CDKAL1: variants seen among roughly 807,000 people sequenced by gnomAD.
CDKAL1 encodes CDKAL1 threonylcarbamoyladenosine tRNA methylthiotransferase.
CDKAL1 carries 32 observed loss-of-function variants against 68.2 expected under a neutral mutation model. The ratio of observed to expected loss-of-function variants is 0.47; its 90% confidence interval spans 0.35 to 0.63. The LOEUF (loss-of-function observed/expected upper bound fraction) is 0.63, where lower values mean the gene tolerates loss of function less well. Ranked by LOEUF, CDKAL1 falls within the 30% of genes least tolerant of loss-of-function variation. CDKAL1 has a pLI of 0.00. For synonymous variants in CDKAL1, 234 were observed against 244.3 expected, an observed-to-expected ratio of 0.96 and a Z score of 0.39; for missense variants, 606 against 696.7, an observed-to-expected ratio of 0.87 and a Z score of 1.47.
intron 9 of CDKAL1, among the ~76,000 whole-genome samples, chr6:20,901,517 A>C (rs192826656): frequency 0.015 from 2,319 of 150,994 alleles, 36 homozygotes; most frequent in South Asian, 0.057. Context: ...TACTAAAAAT[A>C]CAAAAAAAAA....
At chr6:21,154,262 G>T (rs1299411865) in intron 13 of CDKAL1, among the ~76,000 whole-genome samples, 1 of 152,150 alleles carries the variant, frequency 6.6e-6, no homozygotes, top group Non-Finnish European at 1.5e-5. Context: ...CTTTTTATGT[G>T]CATGCTTTAA....
At chr6:21,050,434 C>G (rs1256464535) in intron 11 of CDKAL1, among the ~76,000 whole-genome samples, 1 of 152,154 alleles carries the variant, frequency 6.6e-6, no homozygotes, top group Non-Finnish European at 1.5e-5. Context: ...GGAGGATACA[C>G]TGGACATTGA....
intron 8 of CDKAL1, among the ~76,000 whole-genome samples, chr6:20,814,697 G>T (rs890706898): frequency 6.6e-6 from 1 of 152,182 alleles, no homozygotes; most frequent in African/African-American, 2.4e-5. Flanking sequence ...AATGCCCTAT[G>T]TATTAGGAAA....
intron 12 of CDKAL1, among the ~76,000 whole-genome samples, chr6:21,094,232 A>C (rs569327278): frequency 6.6e-6 from 1 of 152,302 alleles, no homozygotes; most frequent in East Asian, 1.9e-4. Flanking sequence ...AGGAGATAGT[A>C]TCTAGTAGTA....
At chr6:20,536,536 GTA>G (rs1170680113) in intron 2 of CDKAL1, among the ~76,000 whole-genome samples, 1 of 151,988 alleles carries the variant, frequency 6.6e-6, no homozygotes, top group Non-Finnish European at 1.5e-5. Flanking sequence ...TCTAGGTTAT[GTA>G]TATTTGACAT....
At chr6:20,642,187 C>G (rs1768209488) in intron 4 of CDKAL1, among the ~76,000 whole-genome samples, 1 of 151,848 alleles carries the variant, frequency 6.6e-6, no homozygotes. Context: ...GGGTGAATTA[C>G]TTAGTAATTT....
chr6:20,791,665 A>G (rs1448133785), intron 8 of CDKAL1, among the ~76,000 whole-genome samples: 2 of 151,994 alleles, frequency 1.3e-5, no homozygotes, highest in Non-Finnish European at 2.9e-5. Flanking sequence ...AGGCTGGGAG[A>G]ATTTCTGCTG....
intron 4 of CDKAL1, among the ~76,000 whole-genome samples, chr6:20,615,191 T>C (rs111855006): frequency 0.23 from 3,060 of 13,550 alleles, 387 homozygotes; most frequent in Middle Eastern, 0.28. Context: ...GTTGGACATT[T>C]GGGTTGGTTC....
At chr6:21,126,211 T>C (rs1205906967) in intron 13 of CDKAL1, among the ~76,000 whole-genome samples, 1 of 152,232 alleles carries the variant, frequency 6.6e-6, no homozygotes, top group Non-Finnish European at 1.5e-5. Context: ...TTATGTTACA[T>C]TTAAGTGAAA....
At chr6:20,812,442 C>T (rs777051477) in intron 8 of CDKAL1, among the ~76,000 whole-genome samples, 5 of 152,024 alleles carry the variant, frequency 3.3e-5, no homozygotes, top group South Asian at 4.1e-4. Context: ...TTGAAGAGTC[C>T]GACTTACGTA....
rs748669149 is a variant in CDKAL1 at position 20,903,853 on chromosome 6, T to C, written c.743-51566T>C. ...CAGAGTAGAAAGCACCAGGAATCTG[T>C]CTCCCCAACTAGACAACAAATGCAC... On this transcript the variant is annotated intron_variant, in intron 9 of 15. Coordinates refer to ENST00000274695, the MANE Select transcript of CDKAL1 (RefSeq NM_017774.3). Among the ~76,000 whole-genome samples, 126 of 152,200 alleles carry C rather than the reference T, an allele frequency of 8.3e-4. 1 individual carries two copies. Among genetic ancestry groups the C allele is most frequent in the Non-Finnish European group, 2.5e-4 (17 of 68,042 alleles).
chr6:20,816,353 A>G (rs764012098), intron 8 of CDKAL1, among the ~76,000 whole-genome samples: 7 of 152,072 alleles, frequency 4.6e-5, no homozygotes, highest in Non-Finnish European at 8.8e-5. Flanking sequence ...TTGTACTTTC[A>G]TTTCTATCAG....
At chr6:20,808,052 A>G (rs1262102587) in intron 8 of CDKAL1, among the ~76,000 whole-genome samples, 1 of 152,196 alleles carries the variant, frequency 6.6e-6, no homozygotes, top group Non-Finnish European at 1.5e-5. Flanking sequence ...ACGTTTGTTG[A>G]TTGCTATCAG....
At chr6:20,959,871 G>A (rs1651193327) in intron 10 of CDKAL1, among the ~76,000 whole-genome samples, 1 of 152,144 alleles carries the variant, frequency 6.6e-6, no homozygotes, top group Non-Finnish European at 1.5e-5. Context: ...CTAGTGATAG[G>A]TAGCCTACAG....
intron 4 of CDKAL1, among the ~76,000 whole-genome samples, chr6:20,584,485 C>T (rs1765264133): frequency 6.6e-6 from 1 of 152,144 alleles, no homozygotes; most frequent in African/African-American, 2.4e-5. Flanking sequence ...CCTGCCCCAT[C>T]CGTGAGCAGT....
At chr6:20,690,644 T>A (rs530156772) in intron 5 of CDKAL1, among the ~76,000 whole-genome samples, 1 of 152,154 alleles carries the variant, frequency 6.6e-6, no homozygotes, top group Admixed American at 6.5e-5. Flanking sequence ...AGAATTTTTT[T>A]TATATTTTTT....
intron 6 of CDKAL1, among the ~76,000 whole-genome samples, chr6:20,758,159 A>G (rs551941145): frequency 6.6e-6 from 1 of 152,346 alleles, no homozygotes; most frequent in African/African-American, 2.4e-5. Context: ...GGTTTTGAGT[A>G]TTAAAATAAT....
At chr6:21,100,626 T>C (rs1013517050) in intron 12 of CDKAL1, among the ~76,000 whole-genome samples, 1 of 152,196 alleles carries the variant, frequency 6.6e-6, no homozygotes, top group African/African-American at 2.4e-5. Context: ...TAAGGAAGTA[T>C]TATATGTGCC....
intron 11 of CDKAL1, among the ~76,000 whole-genome samples, chr6:21,027,007 G>A (rs1169255956): frequency 6.6e-6 from 1 of 151,908 alleles, no homozygotes; most frequent in Non-Finnish European, 1.5e-5. Context: ...ACCTGCCCTG[G>A]ACCTCATGGT....
Sources: gnomAD v4.1 joint callset for allele counts (sites outside exome capture counted in the v4.1 genomes callset) on GRCh38, gnomAD v4.1.1 for gene constraint, MANE v1.5 for transcripts, NCBI Gene and HGNC (gene_info 2026-07-23, HGNC 2026-07-21) for gene names.